Variants in SETBP1 observed in about 807,000 individuals in gnomAD.
The protein encoded by SETBP1 is SET binding protein 1.
SETBP1 carries 9 observed loss-of-function variants against 101.0 expected under a neutral mutation model. The ratio of observed to expected loss-of-function variants is 0.09; its 90% CI spans 0.05 to 0.16. SETBP1 has a LOEUF of 0.16. Ranked by LOEUF, SETBP1 falls within the 10% of genes least tolerant of loss-of-function variation. The pLI is 1.00. For missense variants in SETBP1, 1,858 were observed against 2,033.8 expected, an observed-to-expected ratio of 0.91 and a Z score of 1.66; for synonymous variants, 818 against 788.5, an observed-to-expected ratio of 1.04 and a Z score of -0.63.
chr18:44,935,119 C>T (rs942009505), intron 3 of SETBP1, among the ~76,000 whole-genome samples: 1 of 152,170 alleles, frequency 6.6e-6, no homozygotes, highest in African/African-American at 2.4e-5. Flanking sequence ...CTGGCTCTGC[C>T]CACCAGCCTC....
At chr18:44,774,845 G>C (rs1444951052) in intron 2 of SETBP1, among the ~76,000 whole-genome samples, 1 of 151,854 alleles carries the variant, frequency 6.6e-6, no homozygotes, top group Non-Finnish European at 1.5e-5. Context: ...ATTTGAGTGA[G>C]TTACAGGTCT....
At chr18:45,055,525 A>T (rs1264990723) in intron 5 of SETBP1, among the ~76,000 whole-genome samples, 1 of 152,196 alleles carries the variant, frequency 6.6e-6, no homozygotes, top group Non-Finnish European at 1.5e-5. Flanking sequence ...AGAGCCAAGC[A>T]ATTGAGTTTG....
At chr18:44,831,754 G>T (rs1799119984) in intron 2 of SETBP1, among the ~76,000 whole-genome samples, 1 of 152,136 alleles carries the variant, frequency 6.6e-6, no homozygotes, top group Non-Finnish European at 1.5e-5. Context: ...TTGGTTCTGG[G>T]TAACACAAGG....
At chr18:45,021,509 CA>C (rs2073067578) in intron 4 of SETBP1, among the ~76,000 whole-genome samples, 1 of 152,158 alleles carries the variant, frequency 6.6e-6, no homozygotes, top group East Asian at 1.9e-4. Context: ...CTTCTCTTCC[CA>C]AACCTCCCAT....
At chr18:44,815,493 G>A in intron 2 of SETBP1, among the ~76,000 whole-genome samples, 1 of 152,336 alleles carries the variant, frequency 6.6e-6, no homozygotes, top group East Asian at 1.9e-4. Context: ...TTTGGCTACT[G>A]TTTACTTTGG....
At chr18:44,940,681 T>G (rs757142414) in intron 3 of SETBP1, among the ~76,000 whole-genome samples, 3 of 152,228 alleles carry the variant, frequency 2.0e-5, no homozygotes, top group Non-Finnish European at 4.4e-5. Context: ...ATTGTTGTGG[T>G]GGAGTTTATT....
At chr18:44,814,857 A>G (rs779820144) in intron 2 of SETBP1, among the ~76,000 whole-genome samples, 2 of 152,244 alleles carry the variant, frequency 1.3e-5, no homozygotes, top group African/African-American at 2.4e-5. Context: ...TAGGTGAAAT[A>G]TCGTAAGGAC....
At chr18:44,987,645 G>A (rs1001152367) in intron 4 of SETBP1, 4 of 152,230 alleles carry the variant, frequency 2.6e-5, no homozygotes, top group African/African-American at 9.6e-5. Flanking sequence ...TAGGAGCGCT[G>A]TCAGAGGTTT....
chr18:44,735,028 G>A (rs2069932924), intron 2 of SETBP1, among the ~76,000 whole-genome samples: 1 of 152,136 alleles, frequency 6.6e-6, no homozygotes, highest in South Asian at 2.1e-4. Context: ...TTATTTATAA[G>A]TCTACATAGA....
At chr18:45,060,225 T>A (rs2145582883) in intron 5 of SETBP1, among the ~76,000 whole-genome samples, 1 of 152,330 alleles carries the variant, frequency 6.6e-6, no homozygotes, top group South Asian at 2.1e-4. Context: ...GACTTTTGCC[T>A]CCTGATATAT....
intron 2 of SETBP1, among the ~76,000 whole-genome samples, chr18:44,762,384 T>G (rs933958212): frequency 6.6e-6 from 1 of 152,210 alleles, no homozygotes; most frequent in Non-Finnish European, 1.5e-5. Context: ...CAGGTTTACA[T>G]TTTGTTCAGA....
intron 2 of SETBP1, among the ~76,000 whole-genome samples, chr18:44,747,197 A>G (rs1244488775): frequency 6.6e-6 from 1 of 152,190 alleles, no homozygotes; most frequent in Non-Finnish European, 1.5e-5. Flanking sequence ...TTCCCCATGC[A>G]TCCTTTCAGG....
chr18:44,823,898 G>T (rs756328199), intron 2 of SETBP1, among the ~76,000 whole-genome samples: 8 of 152,190 alleles, frequency 5.3e-5, no homozygotes, highest in Non-Finnish European at 1.0e-4. Flanking sequence ...TATGGGATTA[G>T]TTGAATTTAA....
chr18:44,950,926 A>G lies in SETBP1; in HGVS notation c.1586A>G (p.Lys529Arg). 1 of 1,614,100 alleles carries G rather than the reference A, an allele frequency of 6.2e-7. No individual in the cohort carries two copies. The highest frequency in any genetic ancestry group is 8.5e-7 in the Non-Finnish European group (1 of 1,180,022). ...PEIQHPKFAA[K>R]RRWTCSKPKP... is the part of the protein sequence containing the mutation. Reference sequence around the variant, plus strand: ...ATCCAGCATCCAAAATTTGCTGCAAAACGAAGGTGGACTTGCAGCAAACCA... The same window carrying G: ...ATCCAGCATCCAAAATTTGCTGCAAGACGAAGGTGGACTTGCAGCAAACCA... The change falls in exon 4 of 6, where the codon AAA becomes AGA. Residue 529 changes from lysine (K) to arginine (R), a missense_variant. By Grantham distance (26) the Lys-to-Arg change is conservative (BLOSUM62 2). This residue lies in a region of SETBP1 where 581 missense variants were observed against 535.1 expected (regional missense o/e 1.09). Transcript: ENST00000649279.
At chr18:44,694,744 A>T (rs907262309) in intron 1 of SETBP1, among the ~76,000 whole-genome samples, 2 of 152,248 alleles carry the variant, frequency 1.3e-5, no homozygotes, top group Non-Finnish European at 2.9e-5. Context: ...CTCTCTCCTC[A>T]TCAGAGTGTG....
intron 4 of SETBP1, among the ~76,000 whole-genome samples, chr18:44,976,577 G>A (rs1460284708): frequency 1.3e-5 from 2 of 152,144 alleles, no homozygotes; most frequent in Admixed American, 6.6e-5. Context: ...CCAGGTACAT[G>A]TCCTCAGGGC....
At chr18:44,723,028 A>C (rs1051077718) in intron 2 of SETBP1, among the ~76,000 whole-genome samples, 1 of 152,200 alleles carries the variant, frequency 6.6e-6, no homozygotes, top group African/African-American at 2.4e-5. Flanking sequence ...TGGAGGTTGA[A>C]AATTTTTGGG....
intron 2 of SETBP1, among the ~76,000 whole-genome samples, chr18:44,816,881 T>C (rs1009676674): frequency 6.6e-6 from 1 of 152,246 alleles, no homozygotes; most frequent in African/African-American, 2.4e-5. Flanking sequence ...CCCAGGATAC[T>C]GTGTGTCTTA....
At chr18:44,895,954 C>T (rs543614167) in intron 3 of SETBP1, among the ~76,000 whole-genome samples, 2 of 152,208 alleles carry the variant, frequency 1.3e-5, no homozygotes, top group African/African-American at 2.4e-5. Context: ...ATCATTTCCC[C>T]ATGCCCGCAT....
Sources: allele counts gnomAD v4.1 joint callset (sites outside exome capture counted in the v4.1 genomes callset), GRCh38; gene constraint gnomAD v4.1.1; regional missense constraint gnomAD v4.1.1; transcripts MANE v1.5; gene names NCBI Gene and HGNC (gene_info 2026-07-23, HGNC 2026-07-21).